The following TPO variants were observed in gnomAD, a reference collection of about 807,000 sequenced individuals.
The protein encoded by TPO is thyroid peroxidase, also known as thyroid microsomal antigen.
A neutral mutation model predicts 96.9 loss-of-function variants in TPO; 78 were observed. The observed-to-expected ratio is 0.81, with a 90% CI of 0.67 to 0.97. The LOEUF (loss-of-function observed/expected upper bound fraction) is 0.97. Ranked by LOEUF, TPO falls within the 50% of genes least tolerant of loss-of-function variation. The pLI is 0.00. For synonymous variants in TPO, 547 were observed against 538.0 expected (o/e 1.02, Z -0.23); for missense variants, 1,252 against 1,274.8 (o/e 0.98, Z 0.27).
At chr2:1,385,462 A>C (rs938225492) in intron 1 of TPO, among the ~76,000 whole-genome samples, 10 of 152,116 alleles carry the variant, frequency 6.6e-5, no homozygotes, top group African/African-American at 1.2e-4. Context: ...CGAGTAATTT[A>C]TCAATTTCTT....
intron 5 of TPO, among the ~76,000 whole-genome samples, chr2:1,446,206 C>G (rs1666800470): frequency 6.6e-6 from 1 of 152,154 alleles, no homozygotes; most frequent in Non-Finnish European, 1.5e-5. Flanking sequence ...CCAGAGGTGA[C>G]CATTGCTTTG....
chr2:1,475,193 T>C (rs1301860790), intron 7 of TPO, among the ~76,000 whole-genome samples: 1 of 152,212 alleles, frequency 6.6e-6, no homozygotes, highest in Admixed American at 6.5e-5. Flanking sequence ...TTATTATTAT[T>C]TGTGCTCTTC....
chr2:1,488,892 T>C (rs144094200), intron 10 of TPO, among the ~76,000 whole-genome samples: 2 of 152,298 alleles, frequency 1.3e-5, no homozygotes, highest in East Asian at 1.9e-4. Flanking sequence ...GGGGACTAAA[T>C]GTGAGTTGGG....
At chr2:1,466,371 T>G (rs1668899268) in intron 7 of TPO, among the ~76,000 whole-genome samples, 1 of 152,172 alleles carries the variant, frequency 6.6e-6, no homozygotes, top group Non-Finnish European at 1.5e-5. Flanking sequence ...TATGTCCTCT[T>G]CTGGTTTTAC....
intron 1 of TPO, among the ~76,000 whole-genome samples, chr2:1,381,085 A>C (rs1661802587): frequency 6.6e-6 from 1 of 152,204 alleles, no homozygotes; most frequent in Non-Finnish European, 1.5e-5. Flanking sequence ...TCAAGGTAAT[A>C]CCATTCAGGA....
At chr2:1,451,320 G>A (rs1468241223) in intron 5 of TPO, among the ~76,000 whole-genome samples, 3 of 151,910 alleles carry the variant, frequency 2.0e-5, no homozygotes, top group East Asian at 1.9e-4. Context: ...CATCTAAATC[G>A]GTCACATTTA....
At chr2:1,531,455 T>C (rs1230013266) in intron 15 of TPO, among the ~76,000 whole-genome samples, 18 of 24,546 alleles carry the variant, frequency 7.3e-4, no homozygotes, top group East Asian at 1.6e-3. Context: ...CCCAAATCCC[T>C]CCCACTGTGT....
rs76115591 is a variant in TPO, at chr2:1,428,959, T to C, written c.180-4479T>C. Reference sequence around the variant, plus strand: ...CATGAACTATGGCTGGCTAATGTGTTAGTTGTAAGTAGCTATAATCTCAGT... The same window carrying C: ...CATGAACTATGGCTGGCTAATGTGTCAGTTGTAAGTAGCTATAATCTCAGT... On this transcript the variant is annotated intron_variant, in intron 3 of 16. Coordinates refer to ENST00000329066, the MANE Select transcript of TPO (RefSeq NM_001206744.2). Among the ~76,000 whole-genome samples the C allele has an allele frequency of 1.9e-3, 288 of 152,294 alleles. 8 individuals carry two copies. The East Asian group carries it at 0.051, about 27-fold the overall frequency.
chr2:1,533,285 GCA>G (rs1678768905), intron 15 of TPO, among the ~76,000 whole-genome samples: 1 of 34,392 alleles, frequency 2.9e-5, no homozygotes, highest in Non-Finnish European at 4.6e-5. Flanking sequence ...CCCCCACTCT[GCA>G]CAATCTCCCC....
intron 7 of TPO, among the ~76,000 whole-genome samples, chr2:1,470,518 G>A (rs1044647568): frequency 1.3e-5 from 2 of 148,328 alleles, no homozygotes; most frequent in Admixed American, 6.7e-5. Flanking sequence ...TTCCTTATCT[G>A]GTATATATAA....
intron 8 of TPO, among the ~76,000 whole-genome samples, chr2:1,481,431 C>A (rs1670631071): frequency 1.3e-5 from 2 of 152,164 alleles, no homozygotes; most frequent in African/African-American, 2.4e-5. Context: ...TATGCCCCGG[C>A]CATCAGATAG....
chr2:1,516,491 A>C (rs950218724), intron 14 of TPO, among the ~76,000 whole-genome samples: 7 of 152,014 alleles, frequency 4.6e-5, no homozygotes, highest in Non-Finnish European at 8.8e-5. Flanking sequence ...CACCTTGCGA[A>C]CCTTTCCCGC....
Position 1,477,317 on chromosome 2 carries a change from C to T in TPO, c.1051C>T (p.Arg351Cys), listed in dbSNP as rs1335045364. Residue 351 changes from arginine to cysteine, a missense_variant, in exon 8 of 17, where the codon CGC becomes TGC. Coordinates refer to ENST00000329066, the MANE Select transcript of TPO (RefSeq NM_001206744.2). ...CTGGACCAGTGCCGAAGGGCTGCTC[C>T]GCGTCCACGCGCGCCTCCGGGACTC... ...RNWTSAEGLL[R>C]VHARLRDSGR... 1.5e-5 allele frequency: 24 copies of T among 1,567,408 alleles called. No individual in the cohort carries two copies. The highest frequency in any genetic ancestry group is 1.9e-5 in the Non-Finnish European group (22 of 1,157,134).
chr2:1,401,065 CTCAG>C (rs1489492857), intron 1 of TPO, among the ~76,000 whole-genome samples: 3 of 150,464 alleles, frequency 2.0e-5, no homozygotes, highest in Admixed American at 1.3e-4. Context: ...TTGCTGTAAG[CTCAG>C]AGAGCTTCAC....
intron 15 of TPO, among the ~76,000 whole-genome samples, chr2:1,536,641 TCCC>T (rs552769137): frequency 1.9e-4 from 3 of 15,604 alleles, no homozygotes; most frequent in Non-Finnish European, 3.1e-4. Flanking sequence ...CCTCCCCAAA[TCCC>T]CCCCCCCACT....
chr2:1,442,250 G>T (rs942071857), intron 5 of TPO, among the ~76,000 whole-genome samples: 2 of 152,162 alleles, frequency 1.3e-5, no homozygotes, highest in African/African-American at 4.8e-5. Context: ...CTGAAGAAAT[G>T]AAGCCTCTCA....
intron 15 of TPO, among the ~76,000 whole-genome samples, chr2:1,519,625 A>T (rs1282915241): frequency 2.0e-5 from 3 of 152,198 alleles, no homozygotes; most frequent in African/African-American, 7.2e-5. Flanking sequence ...CTAATAATTA[A>T]AACCCTCAGC....
At chr2:1,489,932 G>C (rs574062242) in intron 10 of TPO, among the ~76,000 whole-genome samples, 1 of 147,484 alleles carries the variant, frequency 6.8e-6, no homozygotes. Context: ...GAGCACACAG[G>C]AGGAGTCACG....
rs115502343 is a variant in TPO, at chr2:1,502,094, T to C, written c.2387-1854T>C. ...AGGGGATGGAGAGAAAATGGGCTTG[T>C]AGCGTTCATGGGTGATGACTTTGAT... On this transcript the variant is annotated intron_variant, in intron 13 of 16. Coordinates refer to ENST00000329066, the MANE Select transcript of TPO (RefSeq NM_001206744.2). Among the ~76,000 whole-genome samples, 1,217 of 152,100 alleles carry C rather than the reference T, an allele frequency of 8.0e-3. 19 individuals are homozygous for C. The highest frequency in any genetic ancestry group is 0.028 in the African/African-American group (1,162 of 41,476).
Sources: allele counts gnomAD v4.1 joint callset (sites outside exome capture counted in the v4.1 genomes callset), GRCh38; gene constraint gnomAD v4.1.1; transcripts MANE v1.5; gene names NCBI Gene and HGNC (gene_info 2026-07-23, HGNC 2026-07-21).